Variants in KCNN1 observed in about 807,000 individuals in gnomAD.
The protein encoded by KCNN1 is potassium calcium-activated channel subfamily N member 1, also known as small conductance calcium-activated potassium channel protein 1.
KCNN1 carries 20 observed loss-of-function variants against 44.7 expected under a neutral mutation model. That is an observed-to-expected ratio of 0.45 (90% CI 0.32 to 0.65). The LOEUF (loss-of-function observed/expected upper bound fraction) is 0.65. KCNN1 is among the 30% of genes least tolerant of loss of function. The pLI is 0.05. For missense variants in KCNN1, 632 were observed against 785.3 expected (o/e 0.80, Z 2.33); for synonymous variants, 324 against 341.7 (o/e 0.95, Z 0.57).
At chr19:17,972,877 T>C (rs1194127790) in intron 1 of KCNN1, among the ~76,000 whole-genome samples, 1 of 152,196 alleles carries the variant, frequency 6.6e-6, no homozygotes. Flanking sequence ...CTGAGTGTCA[T>C]CTGTTTGCTA....
chr19:17,964,973 A>T (rs772078048), upstream of KCNN1, among the ~76,000 whole-genome samples: 1 of 152,016 alleles, frequency 6.6e-6, no homozygotes, highest in Non-Finnish European at 1.5e-5. The surrounding 1 kb of genome is among the most constrained non-coding windows in gnomAD (Gnocchi z 4.3). Context: ...TACATGTTAG[A>T]CTTGAATTCA....
At chr19:17,986,824 T>A (rs753634824) in intron 5 of KCNN1, among the ~76,000 whole-genome samples, 1 of 151,672 alleles carries the variant, frequency 6.6e-6, no homozygotes, top group Non-Finnish European at 1.5e-5. Flanking sequence ...TTTTCCTCAT[T>A]GAGATGGAGT....
At chr19:17,973,066 CGA>C (rs1241361072) in intron 1 of KCNN1, among the ~76,000 whole-genome samples, 1 of 152,044 alleles carries the variant, frequency 6.6e-6, no homozygotes, top group East Asian at 1.9e-4. Flanking sequence ...GTAAGAAGGA[CGA>C]GATAGGTGGG....
chr19:17,994,922 T>G (rs1011400293), intron 9 of KCNN1, among the ~76,000 whole-genome samples: 1 of 152,250 alleles, frequency 6.6e-6, no homozygotes, highest in African/African-American at 2.4e-5. Context: ...TTGAGATCTT[T>G]GCAACACTGA....
At chr19:17,966,019 G>GCCTTCCTTCCTTCCTT (rs1267649298), upstream of KCNN1, among the ~76,000 whole-genome samples, 1 of 132,018 alleles carries the variant, frequency 7.6e-6, no homozygotes, top group African/African-American at 2.8e-5. Flanking sequence ...CTGCCTGCCT[G>GCCTTCCTTCCTTCCTT]CCTGCCTTCC....
At chr19:17,966,015 GCCTGCCTGCCTT>G (rs1352138690), upstream of KCNN1, among the ~76,000 whole-genome samples, 250 of 124,368 alleles carry the variant, frequency 2.0e-3, no homozygotes, top group South Asian at 6.5e-3. Context: ...CTGCCTGCCT[GCCTGCCTGCCTT>G]CCTTCCTTCC....
At chr19:17,995,314 C>T (rs2145977830) in intron 9 of KCNN1, among the ~76,000 whole-genome samples, 1 of 152,012 alleles carries the variant, frequency 6.6e-6, no homozygotes, top group South Asian at 2.1e-4. Flanking sequence ...GCTGGGACTA[C>T]AGGCGCACAC....
intron 1 of KCNN1, among the ~76,000 whole-genome samples, chr19:17,973,585 T>TG (rs200094946): frequency 0.013 from 1,927 of 152,254 alleles, 23 homozygotes; most frequent in Non-Finnish European, 0.019. Flanking sequence ...CCCGGCTCTC[T>TG]GGGGTTGATT....
chr19:17,990,808 AAAAAAAG>A (rs1271537591), intron 7 of KCNN1, among the ~76,000 whole-genome samples: 3 of 151,362 alleles, frequency 2.0e-5, no homozygotes, highest in Non-Finnish European at 2.9e-5. Flanking sequence ...TCAAAAAAAA[AAAAAAAG>A]AAAGAAAAAG....
chr19:17,977,104 G>A (rs1467672552), intron 3 of KCNN1, among the ~76,000 whole-genome samples: 1 of 152,080 alleles, frequency 6.6e-6, no homozygotes, highest in Non-Finnish European at 1.5e-5. Flanking sequence ...AGATCAAGGC[G>A]TTAGCAGGGT....
chr19:17,986,201 TA>T (rs1183945685), intron 5 of KCNN1, among the ~76,000 whole-genome samples: 1 of 151,920 alleles, frequency 6.6e-6, no homozygotes, highest in Non-Finnish European at 1.5e-5. Context: ...CAGTCTGTAC[TA>T]AAAATACAAA....
intron 1 of KCNN1, among the ~76,000 whole-genome samples, chr19:17,954,180 C>T (rs1304873765): frequency 6.6e-6 from 1 of 152,170 alleles, no homozygotes; most frequent in Non-Finnish European, 1.5e-5. Context: ...AACACCAAGC[C>T]AGAGCGCAGA....
chr19:17,973,011 G>A (rs2145924993), intron 1 of KCNN1, among the ~76,000 whole-genome samples: 1 of 152,356 alleles, frequency 6.6e-6, no homozygotes, highest in South Asian at 2.1e-4. Flanking sequence ...TTGGAATCTG[G>A]TGATTGGGAG....
At chr19:17,994,173 A>G (rs1442780775) in intron 9 of KCNN1, among the ~76,000 whole-genome samples, 2 of 152,028 alleles carry the variant, frequency 1.3e-5, no homozygotes, top group Admixed American at 1.3e-4. Flanking sequence ...AGCTGGGTTC[A>G]ATGGGTCATG....
chr19:17,966,108 G>A (rs1395810581), upstream of KCNN1, among the ~76,000 whole-genome samples: 8 of 149,962 alleles, frequency 5.3e-5, no homozygotes, highest in Admixed American at 2.0e-4. Flanking sequence ...TCTGAGCTCC[G>A]CAGAGGAAAC....
At chr19:17,995,325 C>T (rs550036521) in intron 9 of KCNN1, among the ~76,000 whole-genome samples, 2 of 152,166 alleles carry the variant, frequency 1.3e-5, no homozygotes, top group Admixed American at 1.3e-4. Context: ...AGGCGCACAC[C>T]ACCAGGTCCT....
In KCNN1 at chr19:17,982,123, G is replaced by C. The variant is rs1396434879; in HGVS notation, c.913G>C (p.Glu305Gln). Residue 305 changes from glutamate to glutamine, a missense_variant, in exon 4 of 10, where the codon GAG (glutamate) becomes CAG (glutamine). Glu to Gln is a conservative substitution (Grantham distance 29). Coordinates refer to ENST00000684775, the MANE Select transcript of KCNN1 (RefSeq NM_001386974.1). ...IIAAWTVRVCERYHDKQEVTS... is the reference protein window; with the variant it reads ...IIAAWTVRVCQRYHDKQEVTS... The stretch of plus-strand genomic sequence containing the variant: ...CGCAGCCTGGACCGTGCGCGTCTGC[G>C]AGAGGTGCGACCGCCGCCCCTGGAG... 1.3e-6 allele frequency: 2 copies of C among 1,548,664 alleles called. No homozygotes were observed. The highest frequency in any genetic ancestry group is 1.7e-6 in the Non-Finnish European group (2 of 1,148,166).
rs998243374 is a variant in KCNN1, at chr19:17,967,120, C to G, written c.-279C>G. The G allele has an allele frequency of 5.9e-5, 58 of 978,476 alleles. No homozygotes were observed. The highest frequency in any genetic ancestry group is 1.9e-4 in the Admixed American group (3 of 15,872). The allele number at this position is 978,476 out of a possible 1,614,324, so 60.6% of individuals were successfully genotyped here. On this transcript the variant is annotated 5_prime_UTR_variant, in exon 1 of 10. Coordinates refer to ENST00000684775, the MANE Select transcript of KCNN1 (RefSeq NM_001386974.1). The stretch of plus-strand genomic sequence containing the variant: ...CCCGGCCCGGGCGGGCGCTCGCCCC[C>G]CGCCGGGCCCGTGGACTGGGCGGCG...
intron 5 of KCNN1, among the ~76,000 whole-genome samples, chr19:17,987,253 G>T (rs1041921131): frequency 4.6e-5 from 7 of 152,098 alleles, no homozygotes; most frequent in Non-Finnish European, 8.8e-5. Context: ...GGGATGGCAG[G>T]CACCTGCCAC....
Sources: allele counts gnomAD v4.1 joint callset (sites outside exome capture counted in the v4.1 genomes callset), GRCh38; gene constraint gnomAD v4.1.1; non-coding constraint Gnocchi (gnomAD v3.1); transcripts MANE v1.5; gene names NCBI Gene and HGNC (gene_info 2026-07-23, HGNC 2026-07-21).